The following RABGAP1L variants were observed in gnomAD, a reference collection of about 807,000 sequenced individuals.
RABGAP1L encodes the protein RAB GTPase activating protein 1 like, also known as rab GTPase-activating protein 1-like.
A neutral mutation model predicts 137.7 loss-of-function variants in RABGAP1L; 63 were observed. The observed-to-expected ratio is 0.46, with a 90% confidence interval of 0.37 to 0.56. The LOEUF (loss-of-function observed/expected upper bound fraction) is 0.56, where lower values mean the gene tolerates loss of function less well. RABGAP1L is among the 20% of genes least tolerant of loss of function. The pLI, the probability that RABGAP1L is intolerant of heterozygous loss-of-function variation, is 0.00. For synonymous variants in RABGAP1L, 431 were observed against 433.7 expected, an observed-to-expected ratio of 0.99 and a Z score of 0.08; for missense variants, 1,095 against 1,244.0, an observed-to-expected ratio of 0.88 and a Z score of 1.80.
chr1:174,339,206 TAA>T (rs200362271), intron 11 of RABGAP1L, among the ~76,000 whole-genome samples: 129 of 152,336 alleles, frequency 8.5e-4, no homozygotes, highest in East Asian at 4.8e-3. Flanking sequence ...TTTAAAAAAT[TAA>T]AGTTTTTTTT....
At chr1:174,735,378 G>A (rs546314580) in intron 17 of RABGAP1L, among the ~76,000 whole-genome samples, 60 of 151,930 alleles carry the variant, frequency 3.9e-4, no homozygotes, top group African/African-American at 1.4e-3. Flanking sequence ...CTAGATAATA[G>A]GGTCAACTCA....
chr1:174,649,557 T>G (rs1253198480), intron 14 of RABGAP1L, among the ~76,000 whole-genome samples: 5 of 152,156 alleles, frequency 3.3e-5, no homozygotes, highest in East Asian at 1.9e-4. Context: ...TAGGGTTTCC[T>G]CAGAGAGATC....
At chr1:174,684,314 CAG>C (rs990904484) in intron 15 of RABGAP1L, among the ~76,000 whole-genome samples, 3 of 151,812 alleles carry the variant, frequency 2.0e-5, no homozygotes, top group Admixed American at 6.6e-5. Context: ...TTTGTCAAGA[CAG>C]AAATGAGATT....
intron 13 of RABGAP1L, among the ~76,000 whole-genome samples, chr1:174,468,811 TC>T (rs1297115374): frequency 1.3e-5 from 2 of 152,180 alleles, no homozygotes; most frequent in Non-Finnish European, 2.9e-5. Flanking sequence ...CCACTGTGTT[TC>T]TACCACCTAG....
chr1:174,758,256 C>G (rs1314374656), intron 18 of RABGAP1L, among the ~76,000 whole-genome samples: 2 of 151,832 alleles, frequency 1.3e-5, no homozygotes, highest in African/African-American at 4.8e-5. Flanking sequence ...TTTATCTCCC[C>G]CTCTGCTACT....
At chr1:174,387,863 T>C (rs1411277703) in intron 12 of RABGAP1L, among the ~76,000 whole-genome samples, 1 of 152,126 alleles carries the variant, frequency 6.6e-6, no homozygotes, top group African/African-American at 2.4e-5. Context: ...TTTAGAAAAC[T>C]TGTTGGATTT....
chr1:174,804,288 T>TTTTGTTTTTTG (rs1401987213), intron 18 of RABGAP1L, among the ~76,000 whole-genome samples: 1 of 151,380 alleles, frequency 6.6e-6, no homozygotes, highest in Non-Finnish European at 1.5e-5. Context: ...TTTGTTTTTT[T>TTTTGTTTTTTG]TTTTGAGATA....
intron 19 of RABGAP1L, among the ~76,000 whole-genome samples, chr1:174,936,808 A>G (rs920534761): frequency 1.3e-5 from 2 of 152,108 alleles, no homozygotes; most frequent in Non-Finnish European, 2.9e-5. Flanking sequence ...TGTTTATATA[A>G]ATCACTTTCT....
intron 17 of RABGAP1L, among the ~76,000 whole-genome samples, chr1:174,716,699 C>T (rs758407344): frequency 1.3e-5 from 2 of 152,136 alleles, no homozygotes; most frequent in Non-Finnish European, 2.9e-5. Flanking sequence ...TAGAAGTCCA[C>T]TTGACATTTT....
intron 10 of RABGAP1L, among the ~76,000 whole-genome samples, chr1:174,289,723 T>C (rs1399008707): frequency 6.6e-6 from 1 of 152,200 alleles, no homozygotes; most frequent in Admixed American, 6.5e-5. Context: ...GTCTCTGATC[T>C]GGTGGGGCTG....
intron 13 of RABGAP1L, among the ~76,000 whole-genome samples, chr1:174,633,543 C>A (rs1673631440): frequency 6.7e-6 from 1 of 148,388 alleles, no homozygotes; most frequent in Non-Finnish European, 1.5e-5. Flanking sequence ...CTTTAAAGTT[C>A]ATATGGAACC....
chr1:174,964,740 G>C (rs1386882001), intron 20 of RABGAP1L: 8 of 1,235,732 alleles, frequency 6.5e-6, no homozygotes, highest in Non-Finnish European at 8.4e-6. Flanking sequence ...GAGTCTTCCT[G>C]AGTTGAGACT....
At chr1:174,429,301 T>C (rs897530676) in intron 13 of RABGAP1L, among the ~76,000 whole-genome samples, 1 of 152,192 alleles carries the variant, frequency 6.6e-6, no homozygotes, top group Admixed American at 6.5e-5. Context: ...TTTGAAGGCA[T>C]TATATTTCTA....
intron 14 of RABGAP1L, among the ~76,000 whole-genome samples, chr1:174,675,306 T>C (rs1677529010): frequency 6.6e-6 from 1 of 151,324 alleles, no homozygotes; most frequent in East Asian, 1.9e-4. Context: ...TTTCTGCATA[T>C]GGCTAGCCAG....
intron 17 of RABGAP1L, among the ~76,000 whole-genome samples, chr1:174,744,154 T>A (rs562805432): frequency 1.4e-5 from 2 of 143,942 alleles, no homozygotes; most frequent in South Asian, 4.4e-4. Context: ...TGACCTCTAG[T>A]GGACATTCAG....
chr1:174,981,548 A>ATTTTTTTTT (rs1671109153), intron 23 of RABGAP1L, among the ~76,000 whole-genome samples: 3 of 67,360 alleles, frequency 4.5e-5, no homozygotes, highest in Admixed American at 1.5e-4. Flanking sequence ...CTGTTTTTCC[A>ATTTTTTTTT]TCTTTTTTTT....
chr1:174,423,164 T>C (rs188619679), intron 13 of RABGAP1L, among the ~76,000 whole-genome samples: 24 of 152,280 alleles, frequency 1.6e-4, no homozygotes, highest in Non-Finnish European at 2.8e-4. Context: ...TTGTATGGGT[T>C]ACATAAGTAA....
chr1:174,449,265 A>C (rs1028614782), intron 13 of RABGAP1L: 2 of 1,333,648 alleles, frequency 1.5e-6, no homozygotes, highest in Non-Finnish European at 2.1e-6. Flanking sequence ...ATTCATCTGG[A>C]AATTTGCCAT....
intron 13 of RABGAP1L, among the ~76,000 whole-genome samples, chr1:174,480,055 CAG>C (rs1283885008): frequency 1.3e-5 from 2 of 152,056 alleles, no homozygotes; most frequent in Non-Finnish European, 2.9e-5. Context: ...TCATTTAAGA[CAG>C]AAGTTAAATT....
Sources: allele counts gnomAD v4.1 joint callset (sites outside exome capture counted in the v4.1 genomes callset), GRCh38; gene constraint gnomAD v4.1.1; transcripts MANE v1.5; gene names NCBI Gene and HGNC (gene_info 2026-07-23, HGNC 2026-07-21).